C8orf34: variants seen among roughly 807,000 people sequenced by gnomAD.
C8orf34 encodes uncharacterized protein C8orf34.
C8orf34 carries 65 observed loss-of-function variants against 68.3 expected under a neutral mutation model. The observed-to-expected ratio is 0.95, with a 90% CI of 0.78 to 1.17. C8orf34 has a LOEUF of 1.17. C8orf34 is among the 50% of genes most tolerant of loss of function. The pLI, the probability that C8orf34 is intolerant of heterozygous loss-of-function variation, is 0.00. For synonymous variants in C8orf34, 244 were observed against 241.2 expected, an observed-to-expected ratio of 1.01 and a Z score of -0.11; for missense variants, 664 against 655.4, an observed-to-expected ratio of 1.01 and a Z score of -0.14.
At chr8:68,640,279 C>T (rs1439292488) in intron 7 of C8orf34, 97 bp from the exon 8 acceptor site, 1 of 1,141,786 alleles carries the variant, frequency 8.8e-7, no homozygotes, top group Non-Finnish European at 1.2e-6. Context: ...TATTGTTTTG[C>T]TTAACAAACT....
chr8:68,689,429 G>T (rs12675138), intron 8 of C8orf34, among the ~76,000 whole-genome samples: 1 of 151,772 alleles, frequency 6.6e-6, no homozygotes, highest in Non-Finnish European at 1.5e-5. Flanking sequence ...GAAAAATAAC[G>T]CTTAAAAAAA....
intron 1 of C8orf34, among the ~76,000 whole-genome samples, chr8:68,342,539 A>G (rs1806115576): frequency 1.3e-5 from 2 of 152,226 alleles, no homozygotes; most frequent in Non-Finnish European, 2.9e-5. Flanking sequence ...ATGGTCAACC[A>G]TGGCCCAAAA....
intron 2 of C8orf34, among the ~76,000 whole-genome samples, chr8:68,444,039 T>C (rs994622771): frequency 5.9e-4 from 90 of 152,214 alleles, no homozygotes; most frequent in African/African-American, 2.1e-3. Flanking sequence ...TCTTATTTAC[T>C]GTTCTCTGTT....
intron 8 of C8orf34, among the ~76,000 whole-genome samples, chr8:68,643,554 C>G (rs1254376752): frequency 6.6e-6 from 1 of 152,176 alleles, no homozygotes; most frequent in Non-Finnish European, 1.5e-5. Context: ...AAGGTGCTGG[C>G]TGATTCAGTG....
chr8:68,779,271 T>TA (rs1199309109), intron 11 of C8orf34, among the ~76,000 whole-genome samples: 7 of 151,758 alleles, frequency 4.6e-5, no homozygotes, highest in African/African-American at 1.7e-4. Flanking sequence ...GTATACTGGT[T>TA]AAAAATCCCT....
intron 8 of C8orf34, among the ~76,000 whole-genome samples, chr8:68,698,921 A>G (rs942969311): frequency 5.3e-5 from 8 of 152,092 alleles, no homozygotes; most frequent in Non-Finnish European, 8.8e-5. Context: ...AATTCTGGGC[A>G]TGTTGCAATA....
intron 7 of C8orf34, among the ~76,000 whole-genome samples, chr8:68,585,935 T>C (rs181338314): frequency 6.6e-6 from 1 of 152,186 alleles, no homozygotes; most frequent in East Asian, 1.9e-4. Flanking sequence ...ATTCTATCAG[T>C]CACCCAATCC....
At chr8:68,539,699 A>G (rs1166247449) in intron 7 of C8orf34, among the ~76,000 whole-genome samples, 1 of 151,948 alleles carries the variant, frequency 6.6e-6, no homozygotes, top group Non-Finnish European at 1.5e-5. Context: ...CTAAAAATAC[A>G]AAAAATTAGC....
chr8:68,350,192 T>G (rs1806452248), intron 1 of C8orf34, among the ~76,000 whole-genome samples: 1 of 151,758 alleles, frequency 6.6e-6, no homozygotes, highest in Admixed American at 6.6e-5. Context: ...TTCAAAGAAC[T>G]TCTAGATTAC....
At chr8:68,662,477 A>C (rs991544639) in intron 8 of C8orf34, among the ~76,000 whole-genome samples, 2 of 152,122 alleles carry the variant, frequency 1.3e-5, no homozygotes, top group African/African-American at 4.8e-5. Flanking sequence ...TCATGGGGGA[A>C]GTTTCCCCCA....
At chr8:68,782,462 C>T (rs1823706431) in intron 11 of C8orf34, among the ~76,000 whole-genome samples, 1 of 146,896 alleles carries the variant, frequency 6.8e-6, no homozygotes, top group Non-Finnish European at 1.5e-5. Context: ...ACTTTCCCTG[C>T]AATAGGCCAT....
At chr8:68,713,517 CT>C (rs1821384559) in intron 9 of C8orf34, among the ~76,000 whole-genome samples, 1 of 152,036 alleles carries the variant, frequency 6.6e-6, no homozygotes, top group South Asian at 2.1e-4. Flanking sequence ...TTCAAGGCCA[CT>C]ATGAACACCT....
chr8:68,724,800 A>G (rs941758579), intron 10 of C8orf34, among the ~76,000 whole-genome samples: 3 of 152,230 alleles, frequency 2.0e-5, no homozygotes, highest in African/African-American at 7.2e-5. Flanking sequence ...ATTATTTTAG[A>G]TCAATGATTG....
chr8:68,734,007 A>C (rs1317952020), intron 10 of C8orf34, among the ~76,000 whole-genome samples: 2 of 152,208 alleles, frequency 1.3e-5, no homozygotes, highest in Non-Finnish European at 2.9e-5. Context: ...TGTCATTTTC[A>C]AGTTTCACTA....
intron 1 of C8orf34, among the ~76,000 whole-genome samples, chr8:68,418,362 T>A (rs190101378): frequency 1.1e-3 from 165 of 152,074 alleles, no homozygotes; most frequent in African/African-American, 3.7e-3. Flanking sequence ...AGGGCATCCC[T>A]GTCTTGTGCC....
chr8:68,580,433 G>T (rs1817029138), intron 7 of C8orf34, among the ~76,000 whole-genome samples: 1 of 151,992 alleles, frequency 6.6e-6, no homozygotes, highest in South Asian at 2.1e-4. Flanking sequence ...TTAGATTTGG[G>T]TTTTTTAACT....
At chr8:68,817,959 C>G (rs1341188232) in intron 13 of C8orf34, among the ~76,000 whole-genome samples, 1 of 151,740 alleles carries the variant, frequency 6.6e-6, no homozygotes, top group Non-Finnish European at 1.5e-5. Flanking sequence ...CACCTGGTAT[C>G]TCCCTTGAGA....
intron 1 of C8orf34, among the ~76,000 whole-genome samples, chr8:68,388,664 G>T (rs1277998902): frequency 1.3e-5 from 2 of 152,074 alleles, no homozygotes; most frequent in Non-Finnish European, 2.9e-5. Flanking sequence ...TGAACAAGTG[G>T]ATATTCATCA....
At chr8:68,338,253 G>A (rs1805931916) in intron 1 of C8orf34, among the ~76,000 whole-genome samples, 1 of 152,036 alleles carries the variant, frequency 6.6e-6, no homozygotes, top group Non-Finnish European at 1.5e-5. Flanking sequence ...CAGCTTTCTT[G>A]GTCTAATCAT....
Sources: allele counts gnomAD v4.1 joint callset (sites outside exome capture counted in the v4.1 genomes callset), GRCh38; gene constraint gnomAD v4.1.1; transcripts MANE v1.5; gene names NCBI Gene and HGNC (gene_info 2026-07-23, HGNC 2026-07-21).